Variants in LSM14A observed in about 807,000 individuals in gnomAD.
LSM14A encodes LSM14A mRNA processing body assembly factor.
A neutral mutation model predicts 52.4 loss-of-function variants in LSM14A; 14 were observed. The observed-to-expected ratio is 0.27, with a 90% CI of 0.18 to 0.42. The LOEUF (loss-of-function observed/expected upper bound fraction) is 0.42. Ranked by LOEUF, LSM14A falls within the 10% of genes least tolerant of loss-of-function variation. The probability of loss-of-function intolerance (pLI) is 1.00; values close to 1 mark genes in which losing one functional copy is unlikely to be tolerated. For synonymous variants in LSM14A, 185 were observed against 200.3 expected (o/e 0.92, Z 0.64); for missense variants, 417 against 581.8 (o/e 0.72, Z 2.91).
chr19:34,176,100 T>A (rs1323660757), intron 1 of LSM14A, among the ~76,000 whole-genome samples: 1 of 152,154 alleles, frequency 6.6e-6, no homozygotes, highest in South Asian at 2.1e-4. Context: ...TCCACCCACC[T>A]TGGCCTCCCA....
At chr19:34,204,031 A>G (rs2071504148) in intron 3 of LSM14A, among the ~76,000 whole-genome samples, 1 of 152,216 alleles carries the variant, frequency 6.6e-6, no homozygotes, top group African/African-American at 2.4e-5. Flanking sequence ...GCATACGTTA[A>G]TATCAGACAA....
chr19:34,192,218 C>T (rs932452211), intron 1 of LSM14A, among the ~76,000 whole-genome samples: 1 of 151,302 alleles, frequency 6.6e-6, no homozygotes, highest in Admixed American at 6.6e-5. Context: ...TGCCAAACTA[C>T]CTGTGCCACT....
chr19:34,184,405 C>T (rs1174360837), intron 1 of LSM14A, among the ~76,000 whole-genome samples: 1 of 152,160 alleles, frequency 6.6e-6, no homozygotes, highest in African/African-American at 2.4e-5. Flanking sequence ...AATATTAAAA[C>T]ATTCTTGCAT....
At chr19:34,188,189 G>A (rs944640708) in intron 1 of LSM14A, among the ~76,000 whole-genome samples, 4 of 152,120 alleles carry the variant, frequency 2.6e-5, no homozygotes, top group African/African-American at 9.7e-5. Context: ...AAGAGACTGA[G>A]GTGGGAGGAT....
chr19:34,188,065 T>C (rs2070061264), intron 1 of LSM14A, among the ~76,000 whole-genome samples: 1 of 152,074 alleles, frequency 6.6e-6, no homozygotes, highest in African/African-American at 2.4e-5. Context: ...GGTGGATGGA[T>C]CGCTTGAGCC....
chr19:34,183,559 TAAATA>T (rs1001815043), intron 1 of LSM14A, among the ~76,000 whole-genome samples: 11 of 151,078 alleles, frequency 7.3e-5, no homozygotes, highest in African/African-American at 2.2e-4. Context: ...AAAAAAAAAA[TAAATA>T]AATAAATAAA....
intron 9 of LSM14A, among the ~76,000 whole-genome samples, chr19:34,225,530 G>A (rs1008535509): frequency 6.6e-6 from 1 of 152,188 alleles, no homozygotes; most frequent in Non-Finnish European, 1.5e-5. Flanking sequence ...ATGAGTCATT[G>A]TGGTTTGGGG....
chr19:34,227,179 A>T (rs531879191), intron 9 of LSM14A, among the ~76,000 whole-genome samples, 186 bp from the exon 10 acceptor site: 2 of 152,214 alleles, frequency 1.3e-5, no homozygotes, highest in African/African-American at 4.8e-5. Context: ...GCAGTCAACA[A>T]TGAGGTACTA....
At chr19:34,180,604 G>T (rs1406594219) in intron 1 of LSM14A, among the ~76,000 whole-genome samples, 3 of 152,276 alleles carry the variant, frequency 2.0e-5, no homozygotes, top group Admixed American at 1.3e-4. Flanking sequence ...AACTCAGTCA[G>T]TCATTCACAC....
intron 9 of LSM14A, among the ~76,000 whole-genome samples, chr19:34,224,952 C>G (rs1420247278): frequency 2.0e-5 from 3 of 152,188 alleles, no homozygotes; most frequent in Non-Finnish European, 4.4e-5. Context: ...TTTGCTCTGT[C>G]TTCTCTTCCT....
intron 4 of LSM14A, among the ~76,000 whole-genome samples, chr19:34,209,669 C>A (rs1228554600): frequency 6.6e-6 from 1 of 152,084 alleles, no homozygotes; most frequent in African/African-American, 2.4e-5. Flanking sequence ...TTATTCTTAT[C>A]TTTGTTTCTT....
Position 34,205,401 on chromosome 19 carries a change from G to T in LSM14A, c.416-3528G>T, listed in dbSNP as rs567536066. On this transcript the variant is annotated intron_variant, in intron 3 of 9. Coordinates refer to ENST00000544216, the MANE Select transcript of LSM14A (RefSeq NM_015578.4). ...CTCAGGAGGCTGAGGCAGGAGAAAC[G>T]CTTGAACCCGGGAGGCGGAGGTTGC... is the stretch of plus-strand genomic sequence containing the variant. Among the ~76,000 whole-genome samples the T allele has an allele frequency of 3.4e-4, 49 of 144,140 alleles. 1 individual carries two copies. Among genetic ancestry groups the T allele is most frequent in the Non-Finnish European group, 4.5e-5 (3 of 66,610 alleles). The allele number at this position is 144,140 out of a possible 152,430, so 94.6% of individuals were successfully genotyped here. A position where few individuals can be genotyped will look rare whatever the true frequency, so the allele number is the denominator to read the frequency against.
chr19:34,212,282 G>A (rs183875947), intron 4 of LSM14A, among the ~76,000 whole-genome samples: 74 of 152,218 alleles, frequency 4.9e-4, no homozygotes, highest in African/African-American at 1.6e-3. Context: ...CTGTGATTGC[G>A]GCCCTGCACA....
chr19:34,196,299 A>G (rs1035848867), intron 2 of LSM14A, among the ~76,000 whole-genome samples: 1 of 152,134 alleles, frequency 6.6e-6, no homozygotes, highest in Non-Finnish European at 1.5e-5. Context: ...CATTATTACT[A>G]AGTGTGATTT....
chr19:34,194,710 C>T, intron 2 of LSM14A, 69 bp downstream of exon 2: 2 of 1,425,986 alleles, frequency 1.4e-6, no homozygotes, highest in South Asian at 1.2e-5. Flanking sequence ...GCTTTTTTCT[C>T]TCTAGTTGAA....
chr19:34,194,277 T>C (rs910802542), intron 1 of LSM14A, among the ~76,000 whole-genome samples: 1 of 152,254 alleles, frequency 6.6e-6, no homozygotes, highest in African/African-American at 2.4e-5. Context: ...AGATAGTCTT[T>C]TATATTGCAT....
chr19:34,191,599 T>C (rs1289875701), intron 1 of LSM14A, among the ~76,000 whole-genome samples: 2 of 152,134 alleles, frequency 1.3e-5, no homozygotes, highest in Admixed American at 1.3e-4. Context: ...CTTTAGTAGG[T>C]CCTTTCAGTA....
chr19:34,219,677 A>T, intron 7 of LSM14A, 29 bp from the exon 8 acceptor site: 1 of 1,592,662 alleles, frequency 6.3e-7, no homozygotes, highest in South Asian at 1.1e-5. Context: ...AGCTGTCTTG[A>T]CTTTTCTGAT....
chr19:34,181,616 C>A (rs2069488834), intron 1 of LSM14A, among the ~76,000 whole-genome samples: 1 of 152,138 alleles, frequency 6.6e-6, no homozygotes, highest in Non-Finnish European at 1.5e-5. Flanking sequence ...TCACTGGTTA[C>A]CTCTCAATCT....
Sources: gnomAD v4.1 joint callset for allele counts (sites outside exome capture counted in the v4.1 genomes callset) on GRCh38, gnomAD v4.1.1 for gene constraint, MANE v1.5 for transcripts, NCBI Gene and HGNC (gene_info 2026-07-23, HGNC 2026-07-21) for gene names.